The following PRKG1 variants were observed in gnomAD, a reference collection of about 807,000 sequenced individuals.
PRKG1 encodes protein kinase cGMP-dependent 1, also known as cGMP-dependent protein kinase 1.
A neutral mutation model predicts 88.1 loss-of-function variants in PRKG1; 35 were observed. The ratio of observed to expected loss-of-function variants is 0.40; its 90% CI spans 0.30 to 0.53. The LOEUF is 0.53. Among genes scored for constraint, PRKG1 ranks in the 20% least tolerant of loss-of-function variants. The pLI is 0.59. For synonymous variants in PRKG1, 303 were observed against 292.5 expected, an observed-to-expected ratio of 1.04 and a Z score of -0.37; for missense variants, 540 against 839.8, an observed-to-expected ratio of 0.64 and a Z score of 4.41.
chr10:51,380,311 A>G (rs920901799), intron 2 of PRKG1, among the ~76,000 whole-genome samples: 3 of 152,212 alleles, frequency 2.0e-5, no homozygotes, highest in African/African-American at 4.8e-5. Flanking sequence ...GGGAGTATTT[A>G]CACCATGGAA....
intron 5 of PRKG1, among the ~76,000 whole-genome samples, chr10:52,026,974 C>CA (rs201248432): frequency 0.015 from 2,238 of 151,718 alleles, 49 homozygotes; most frequent in African/African-American, 0.045. Context: ...AAGACTCCGT[C>CA]AAAAAAACAA....
chr10:51,108,957 T>C (rs192909672), intron 1 of PRKG1, among the ~76,000 whole-genome samples: 63 of 152,256 alleles, frequency 4.1e-4, no homozygotes, highest in Admixed American at 4.1e-3. Context: ...TATTTCTCTA[T>C]ATACACTCAG....
intron 7 of PRKG1, among the ~76,000 whole-genome samples, chr10:52,111,774 C>A (rs1383061595): frequency 6.6e-6 from 1 of 152,164 alleles, no homozygotes; most frequent in Non-Finnish European, 1.5e-5. Flanking sequence ...CTGAAGCAGA[C>A]AATTTACTTG....
chr10:51,929,891 C>T lies in PRKG1; in HGVS notation c.762+22321C>T, dbSNP rs116978938. On this transcript the variant is annotated intron_variant, in intron 5 of 17. Transcript: ENST00000373980. ...GTTGCACAGAACACCATGAAACGTACTGTGAGGATGCTGGTCTAGGTATGA... is the reference window on the plus strand; with the variant it reads ...GTTGCACAGAACACCATGAAACGTATTGTGAGGATGCTGGTCTAGGTATGA... Among the ~76,000 whole-genome samples, 23 of 152,216 alleles carry T rather than the reference C, an allele frequency of 1.5e-4. No individual in the cohort carries two copies. In the East Asian group the frequency reaches 4.1e-3, roughly 27 times the overall value.
chr10:51,914,916 C>T (rs1430381170), intron 5 of PRKG1, among the ~76,000 whole-genome samples: 1 of 151,788 alleles, frequency 6.6e-6, no homozygotes, highest in Non-Finnish European at 1.5e-5. Context: ...TTAAAAAAGA[C>T]AAAAAAATAG....
At chr10:52,172,149 T>C (rs541606274) in intron 9 of PRKG1, among the ~76,000 whole-genome samples, 2 of 152,266 alleles carry the variant, frequency 1.3e-5, no homozygotes, top group Non-Finnish European at 2.9e-5. Context: ...ATTTTTGCTC[T>C]GCAGCGCTTA....
At chr10:51,053,005 TG>T (rs1843583751) in intron 1 of PRKG1, among the ~76,000 whole-genome samples, 1 of 152,094 alleles carries the variant, frequency 6.6e-6, no homozygotes, top group Admixed American at 6.6e-5. Flanking sequence ...CAAAGTGGGT[TG>T]ATCACCAGGG....
At chr10:52,179,721 C>T (rs1838963843) in intron 9 of PRKG1, among the ~76,000 whole-genome samples, 1 of 152,120 alleles carries the variant, frequency 6.6e-6, no homozygotes, top group South Asian at 2.1e-4. Flanking sequence ...TAGAGTCTTG[C>T]ACTCTCACCT....
chr10:52,012,377 G>T (rs1291263110), intron 5 of PRKG1, among the ~76,000 whole-genome samples: 1 of 151,824 alleles, frequency 6.6e-6, no homozygotes, highest in Admixed American at 6.6e-5. Context: ...GAGTAGCTGG[G>T]ACTACAGGTG....
rs967068899 is a variant in PRKG1 at position 52,109,813 on chromosome 10, A to G, written c.936-24027A>G. ...ACTTTATGTGTTAAAAACAATAACA[A>G]CAATAATAATAATATCACTGCCTTA... On this transcript the variant is annotated intron_variant, in intron 7 of 17. Transcript: ENST00000373980. Among the ~76,000 whole-genome samples the G allele has an allele frequency of 2.6e-5, 4 of 151,860 alleles. 1 individual carries two copies. Among genetic ancestry groups the G allele is most frequent in the African/African-American group, 9.7e-5 (4 of 41,156 alleles).
chr10:51,698,027 A>C (rs1841349600), intron 3 of PRKG1: 1 of 1,613,840 alleles, frequency 6.2e-7, no homozygotes, highest in African/African-American at 1.3e-5. Flanking sequence ...TGTACCCTGC[A>C]TACCAGCTCC....
chr10:51,578,358 A>T (rs969636924), intron 3 of PRKG1, among the ~76,000 whole-genome samples: 7 of 152,014 alleles, frequency 4.6e-5, no homozygotes, highest in Non-Finnish European at 1.0e-4. Context: ...CATACTCATA[A>T]TTTTTTCTAA....
intron 3 of PRKG1, among the ~76,000 whole-genome samples, chr10:51,675,502 T>C (rs1381091383): frequency 6.6e-6 from 1 of 152,110 alleles, no homozygotes; most frequent in Non-Finnish European, 1.5e-5. Context: ...CCTTTCAGGG[T>C]ATTTGAGACA....
chr10:51,957,954 A>G (rs756627131), intron 5 of PRKG1, among the ~76,000 whole-genome samples: 2 of 152,180 alleles, frequency 1.3e-5, no homozygotes, highest in African/African-American at 2.4e-5. Context: ...CGGTTGAATG[A>G]TGCTTTTTGA....
At chr10:51,494,562 C>T (rs1336448139) in intron 3 of PRKG1, among the ~76,000 whole-genome samples, 3 of 152,150 alleles carry the variant, frequency 2.0e-5, no homozygotes, top group Non-Finnish European at 4.4e-5. Context: ...ATTAACTGTC[C>T]AGAACAAATG....
chr10:51,978,775 G>C (rs1453868592), intron 5 of PRKG1, among the ~76,000 whole-genome samples: 1 of 151,938 alleles, frequency 6.6e-6, no homozygotes, highest in East Asian at 1.9e-4. Context: ...TGTTGTTCAT[G>C]TACAAAAATG....
chr10:52,142,428 C>T (rs1428039752), intron 8 of PRKG1, among the ~76,000 whole-genome samples: 3 of 152,008 alleles, frequency 2.0e-5, no homozygotes, highest in Non-Finnish European at 2.9e-5. Context: ...ATGAATAAAT[C>T]GTATGATAGT....
chr10:51,601,181 G>A (rs779480533), intron 3 of PRKG1, among the ~76,000 whole-genome samples: 1 of 152,144 alleles, frequency 6.6e-6, no homozygotes, highest in Non-Finnish European at 1.5e-5. Flanking sequence ...CTTGTTCACA[G>A]TTGTATTCCC....
intron 9 of PRKG1, among the ~76,000 whole-genome samples, chr10:52,222,236 A>G (rs1840263865): frequency 6.6e-6 from 1 of 152,136 alleles, no homozygotes; most frequent in African/African-American, 2.4e-5. Flanking sequence ...CGTGTGAAAC[A>G]TTAGCCTGCT....
Sources: allele counts gnomAD v4.1 joint callset (sites outside exome capture counted in the v4.1 genomes callset), GRCh38; gene constraint gnomAD v4.1.1; transcripts MANE v1.5; gene names NCBI Gene and HGNC (gene_info 2026-07-23, HGNC 2026-07-21).